The following GLIPR1L2 variants were observed in gnomAD, a reference collection of about 807,000 sequenced individuals.
GLIPR1L2 encodes GLIPR1-like protein 2.
GLIPR1L2 carries 21 observed loss-of-function variants against 28.4 expected under a neutral mutation model. That is an observed-to-expected ratio of 0.74 (90% CI 0.52 to 1.06). GLIPR1L2 has a LOEUF of 1.06. Ranked by LOEUF, GLIPR1L2 falls within the 50% of genes least tolerant of loss-of-function variation. GLIPR1L2 has a pLI of 0.00. For missense variants in GLIPR1L2, 476 were observed against 416.9 expected (o/e 1.14, Z -1.23); for synonymous variants, 145 against 139.3 (o/e 1.04, Z -0.29).
intron 1 of GLIPR1L2, among the ~76,000 whole-genome samples, chr12:75,405,231 AAAG>A (rs2045784123): frequency 6.6e-6 from 1 of 152,200 alleles, no homozygotes; most frequent in Non-Finnish European, 1.5e-5. Context: ...TCAAGATGAG[AAAG>A]AAGAAAATTT....
intron 1 of GLIPR1L2, among the ~76,000 whole-genome samples, chr12:75,399,309 C>T (rs974472751): frequency 6.6e-6 from 1 of 152,102 alleles, no homozygotes; most frequent in East Asian, 1.9e-4. Flanking sequence ...CATCTCAAAT[C>T]TGTGAGCTAT....
At chr12:75,413,362 T>A (rs992479268) in intron 2 of GLIPR1L2, among the ~76,000 whole-genome samples, 72 of 149,082 alleles carry the variant, frequency 4.8e-4, no homozygotes, top group African/African-American at 1.7e-3. Context: ...AAAATAAAAT[T>A]AAAAAAAAAA....
intron 1 of GLIPR1L2, among the ~76,000 whole-genome samples, chr12:75,393,146 T>G (rs578131667): frequency 3.9e-5 from 6 of 152,128 alleles, no homozygotes; most frequent in Non-Finnish European, 8.8e-5. Context: ...ATACTTTCCA[T>G]CCTTATTCAT....
intron 1 of GLIPR1L2, among the ~76,000 whole-genome samples, chr12:75,391,721 G>C (rs78516296): frequency 0.04 from 6,155 of 152,206 alleles, 137 homozygotes; most frequent in East Asian, 0.054. Flanking sequence ...AACAAAGACA[G>C]GTTCCTTGGG....
intron 4 of GLIPR1L2, among the ~76,000 whole-genome samples, chr12:75,428,952 T>C (rs1037703565): frequency 5.3e-5 from 8 of 152,228 alleles, no homozygotes; most frequent in African/African-American, 1.9e-4. Flanking sequence ...TGGAAACACC[T>C]GGATGTCCAG....
At chr12:75,420,666 G>A (rs550228504) in intron 3 of GLIPR1L2, among the ~76,000 whole-genome samples, 4 of 152,196 alleles carry the variant, frequency 2.6e-5, no homozygotes, top group African/African-American at 9.7e-5. Flanking sequence ...CTTATAGATA[G>A]TTACCTATTA....
intron 1 of GLIPR1L2, chr12:75,402,930 A>G (rs561247209): frequency 1.5e-4 from 69 of 451,916 alleles, no homozygotes; most frequent in Non-Finnish European, 2.5e-4. Flanking sequence ...CTCCTCTAAC[A>G]TGATAGTCTT....
chr12:75,404,350 A>G (rs2139931293), intron 1 of GLIPR1L2, among the ~76,000 whole-genome samples: 1 of 152,282 alleles, frequency 6.6e-6, no homozygotes, highest in African/African-American at 2.4e-5. Flanking sequence ...TAAATTAAAC[A>G]TTCCTCAAAC....
chr12:75,409,767 G>A (rs180814474), intron 1 of GLIPR1L2, among the ~76,000 whole-genome samples: 8 of 69,152 alleles, frequency 1.2e-4, no homozygotes, highest in Admixed American at 5.7e-4. Context: ...ATATATATAA[G>A]ATGTATATCT....
Position 75,423,233 on chromosome 12 carries a change from G to A in GLIPR1L2, c.670+244G>A, listed in dbSNP as rs2045997424. ...GACATACCAGAGTGTCAGAAAGAAA[G>A]AATGAGAACTAACAGTTATACCCTT... On this transcript the variant is annotated intron_variant, in intron 4 of 5. Coordinates refer to ENST00000550916, the MANE Select transcript of GLIPR1L2 (RefSeq NM_001270396.2). 7.4e-6 allele frequency: 10 copies of A among 1,344,002 alleles called. No homozygotes were observed. The South Asian group carries it at 1.8e-4, about 24-fold the overall frequency. The allele number at this position is 1,344,002 out of a possible 1,614,324, so 83.3% of individuals were successfully genotyped here. A position where few individuals can be genotyped will look rare whatever the true frequency, so the allele number is the denominator to read the frequency against.
At chr12:75,416,457 C>T (rs1351763919) in intron 3 of GLIPR1L2, among the ~76,000 whole-genome samples, 1 of 151,950 alleles carries the variant, frequency 6.6e-6, no homozygotes, top group Admixed American at 6.6e-5. Flanking sequence ...CTATTTTAAA[C>T]TAAGGCAAAA....
At chr12:75,391,414 C>G (rs1469524470) in intron 1 of GLIPR1L2, 64 bp downstream of exon 1, 4 of 1,600,260 alleles carry the variant, frequency 2.5e-6, no homozygotes, top group African/African-American at 1.3e-5. Flanking sequence ...CCCTGGATCT[C>G]GGGTAGTTGG....
intron 1 of GLIPR1L2, among the ~76,000 whole-genome samples, chr12:75,400,703 C>T (rs939840392): frequency 3.3e-5 from 5 of 151,954 alleles, no homozygotes; most frequent in South Asian, 4.2e-4. Flanking sequence ...TTCTTTAATG[C>T]GTGTTGATAA....
At chr12:75,410,782 A>G (rs927121367) in intron 2 of GLIPR1L2, 103 bp downstream of exon 2, 8 of 853,740 alleles carry the variant, frequency 9.4e-6, no homozygotes, top group Non-Finnish European at 1.4e-5. Context: ...TAATAAAATT[A>G]TCACATTTAA....
rs1485380046 is a variant in GLIPR1L2 at position 75,423,301 on chromosome 12, A to G, written c.670+312A>G. On this transcript the variant is annotated intron_variant, in intron 4 of 5. Coordinates refer to ENST00000550916, the MANE Select transcript of GLIPR1L2 (RefSeq NM_001270396.2). ...ATGCCCAAACAGCAGCCTGTTTGATAATAACTGCTTTAAAGGATAGTATAT... is the reference window on the plus strand; with the variant it reads ...ATGCCCAAACAGCAGCCTGTTTGATGATAACTGCTTTAAAGGATAGTATAT... The G allele has an allele frequency of 2.6e-6, 3 of 1,171,786 alleles. No homozygotes were observed. In the East Asian group the frequency reaches 1.3e-4, roughly 50 times the overall value. 72.6% of individuals were successfully genotyped at this position (1,171,786 alleles called of 1,614,324 possible). A position where few individuals can be genotyped will look rare whatever the true frequency, so the allele number is the denominator to read the frequency against.
intron 1 of GLIPR1L2, among the ~76,000 whole-genome samples, chr12:75,404,230 G>A (rs982851160): frequency 6.6e-6 from 1 of 152,042 alleles, no homozygotes; most frequent in Non-Finnish European, 1.5e-5. Flanking sequence ...ACATATGTGT[G>A]TTATGTATAT....
intron 3 of GLIPR1L2, among the ~76,000 whole-genome samples, chr12:75,416,595 C>T (rs11180495): frequency 0.35 from 52,947 of 151,786 alleles, 9,602 homozygotes; most frequent in East Asian, 0.46. Context: ...CTCTATGAGA[C>T]GCTGCTGAGA....
intron 1 of GLIPR1L2, chr12:75,403,168 G>C (rs1162223510): frequency 2.2e-6 from 1 of 456,494 alleles, no homozygotes; most frequent in Non-Finnish European, 4.4e-6. Flanking sequence ...TCCTGAGCCA[G>C]TGCTCCAGAT....
intron 1 of GLIPR1L2, among the ~76,000 whole-genome samples, chr12:75,398,048 A>G (rs866535444): frequency 3.0e-4 from 44 of 145,400 alleles, no homozygotes; most frequent in Middle Eastern, 3.5e-3. Context: ...AAAAAAAAAA[A>G]TGCCGGGAGC....
Sources: allele counts gnomAD v4.1 joint callset (sites outside exome capture counted in the v4.1 genomes callset), GRCh38; gene constraint gnomAD v4.1.1; transcripts MANE v1.5; gene names NCBI Gene and HGNC (gene_info 2026-07-23, HGNC 2026-07-21).